Variants in GPC5 observed in about 807,000 individuals in gnomAD.
GPC5 encodes the protein glypican 5.
A neutral mutation model predicts 53.9 loss-of-function variants in GPC5; 47 were observed. That is an observed-to-expected ratio of 0.87 (90% CI 0.69 to 1.11). The LOEUF is 1.11. Ranked by LOEUF, GPC5 falls within the 50% of genes most tolerant of loss-of-function variation. GPC5 has a pLI of 0.00. For missense variants in GPC5, 748 were observed against 713.1 expected, an observed-to-expected ratio of 1.05 and a Z score of -0.56; for synonymous variants, 286 against 263.3, an observed-to-expected ratio of 1.09 and a Z score of -0.84.
At chr13:92,217,959 C>A (rs2139083953) in intron 7 of GPC5, among the ~76,000 whole-genome samples, 1 of 125,952 alleles carries the variant, frequency 7.9e-6, no homozygotes, top group African/African-American at 3.1e-5. Context: ...ACTCTGTCAT[C>A]CAGACTGGAG....
chr13:92,406,431 C>G (rs960706749), intron 7 of GPC5, among the ~76,000 whole-genome samples: 4 of 151,990 alleles, frequency 2.6e-5, no homozygotes, highest in Non-Finnish European at 5.9e-5. Context: ...AATTTTCTTC[C>G]ACTACCAAAA....
intron 7 of GPC5, among the ~76,000 whole-genome samples, chr13:92,342,301 C>T (rs1219234721): frequency 7.2e-5 from 11 of 152,144 alleles, no homozygotes; most frequent in Admixed American, 7.2e-4. Context: ...CAGTAGCCTC[C>T]TAACTCATTT....
intron 6 of GPC5, among the ~76,000 whole-genome samples, chr13:92,074,102 G>T (rs2041234325): frequency 6.6e-6 from 1 of 152,146 alleles, no homozygotes; most frequent in Admixed American, 6.5e-5. Context: ...TCAGCCCAAG[G>T]CTGAAACATC....
intron 6 of GPC5, among the ~76,000 whole-genome samples, chr13:91,957,845 T>C (rs2139070137): frequency 6.6e-6 from 1 of 151,516 alleles, no homozygotes; most frequent in South Asian, 2.1e-4. Flanking sequence ...TAAAAACACA[T>C]GAAAATTTAA....
intron 7 of GPC5, among the ~76,000 whole-genome samples, chr13:92,631,375 C>A (rs976844219): frequency 5.3e-5 from 8 of 151,910 alleles, no homozygotes; most frequent in African/African-American, 1.9e-4. Flanking sequence ...AGTTTAAAAT[C>A]AGAGGGAACA....
rs139187947 is a variant in GPC5, at chr13:92,111,729, A to G, written c.1402-33101A>G. 1.6e-3 allele frequency among the ~76,000 whole-genome samples: 240 copies of G among 152,310 alleles called. 9 individuals carry two copies. The South Asian group carries it at 0.042, about 27-fold the overall frequency. On this transcript the variant is annotated intron_variant, in intron 6 of 7. Transcript: ENST00000377067. Reference sequence around the variant, plus strand: ...AAAGGTGATAACTTTGATGAGTTGTAAAAAACTAGCAAATTTTCAGGTAGG... The same window carrying G: ...AAAGGTGATAACTTTGATGAGTTGTGAAAAACTAGCAAATTTTCAGGTAGG...
At chr13:91,566,034 A>G (rs80004171) in intron 2 of GPC5, among the ~76,000 whole-genome samples, 4,452 of 152,148 alleles carry the variant, frequency 0.029, 206 homozygotes, top group African/African-American at 0.099. Flanking sequence ...TACTGGATTT[A>G]GGGCCCACAC....
Position 92,593,607 on chromosome 13 carries a change from CG to C in GPC5, c.1562-272674del, listed in dbSNP as rs1883782061. On this transcript the variant is annotated intron_variant, in intron 7 of 7. Transcript: ENST00000377067. ...GACTGAATTTTATCAACAGAAAGTACGTTTAGAATGGGAAGAGAAGATGTTC... is the reference window on the plus strand; with the variant it reads ...GACTGAATTTTATCAACAGAAAGTACTTTAGAATGGGAAGAGAAGATGTTC... Among the ~76,000 whole-genome samples the C allele has an allele frequency of 2.0e-5, 3 of 148,894 alleles. 1 individual carries two copies. The South Asian group carries it at 6.3e-4, about 31-fold the overall frequency.
intron 7 of GPC5, among the ~76,000 whole-genome samples, chr13:92,612,323 T>C (rs1237737757): frequency 1.3e-5 from 2 of 152,098 alleles, no homozygotes; most frequent in African/African-American, 4.8e-5. Flanking sequence ...AATATTGAGT[T>C]TCAGTCATTA....
At chr13:92,350,607 T>A (rs2043468138) in intron 7 of GPC5, among the ~76,000 whole-genome samples, 1 of 152,168 alleles carries the variant, frequency 6.6e-6, no homozygotes, top group Admixed American at 6.5e-5. Context: ...TTTGCTCAGA[T>A]CTATTGCACA....
intron 6 of GPC5, among the ~76,000 whole-genome samples, chr13:92,077,970 CAGAT>C (rs1474453235): frequency 3.9e-5 from 5 of 127,700 alleles, no homozygotes; most frequent in Non-Finnish European, 7.1e-5. Flanking sequence ...AATAGATAGG[CAGAT>C]AGATAGATAT....
At chr13:92,328,564 T>G (rs1594103646) in intron 7 of GPC5, among the ~76,000 whole-genome samples, 1 of 152,150 alleles carries the variant, frequency 6.6e-6, no homozygotes, top group Non-Finnish European at 1.5e-5. Flanking sequence ...AGAACCAGAG[T>G]TCATTGTCGA....
rs549738495 is a variant in GPC5 at position 92,521,570 on chromosome 13, T to C, written c.1562-344712T>C. Reference sequence around the variant, plus strand: ...AAATGGTGCTGGGAAAACTGGCTAGTCATATGTAGAAAGCTGAAACTGATT... The same window carrying C: ...AAATGGTGCTGGGAAAACTGGCTAGCCATATGTAGAAAGCTGAAACTGATT... On this transcript the variant is annotated intron_variant, in intron 7 of 7. Transcript: ENST00000377067. Among the ~76,000 whole-genome samples the C allele has an allele frequency of 3.2e-3, 484 of 152,176 alleles. 2 individuals are homozygous for C. Among genetic ancestry groups the C allele is most frequent in the African/African-American group, 9.1e-3 (376 of 41,518 alleles).
chr13:91,941,118 T>C (rs1383360573), intron 6 of GPC5, among the ~76,000 whole-genome samples: 2 of 152,146 alleles, frequency 1.3e-5, no homozygotes, highest in Admixed American at 6.5e-5. Flanking sequence ...ATGATTTTTA[T>C]GGCTTGTTTT....
intron 7 of GPC5, among the ~76,000 whole-genome samples, chr13:92,699,308 T>C (rs1334052343): frequency 6.6e-6 from 1 of 152,184 alleles, no homozygotes; most frequent in African/African-American, 2.4e-5. Context: ...TCTATTAGAT[T>C]CTTCTATCTT....
intron 7 of GPC5, among the ~76,000 whole-genome samples, chr13:92,815,777 G>A (rs11616198): frequency 0.015 from 2,306 of 151,902 alleles, 38 homozygotes; most frequent in Middle Eastern, 0.024. Context: ...TACAATGCAC[G>A]GCAGATTGAA....
chr13:91,762,638 C>T (rs567106334), intron 5 of GPC5, among the ~76,000 whole-genome samples: 1 of 149,430 alleles, frequency 6.7e-6, no homozygotes, highest in East Asian at 2.0e-4. Flanking sequence ...TTTCTCATAT[C>T]CTTTGTCTAT....
At chr13:92,679,842 T>G (rs1170966776) in intron 7 of GPC5, among the ~76,000 whole-genome samples, 1 of 151,932 alleles carries the variant, frequency 6.6e-6, no homozygotes, top group Non-Finnish European at 1.5e-5. Context: ...GCGTGCGTGC[T>G]CTCTCTCTCA....
At chr13:91,415,480 C>G (rs950585672) in intron 1 of GPC5, among the ~76,000 whole-genome samples, 1 of 152,130 alleles carries the variant, frequency 6.6e-6, no homozygotes, top group Non-Finnish European at 1.5e-5. Flanking sequence ...CGCACATAGA[C>G]CTGGTGTTTC....
Sources: allele counts gnomAD v4.1 joint callset (sites outside exome capture counted in the v4.1 genomes callset), GRCh38; gene constraint gnomAD v4.1.1; transcripts MANE v1.5; gene names NCBI Gene and HGNC (gene_info 2026-07-23, HGNC 2026-07-21).